Variants in RAB28 observed in about 807,000 individuals in gnomAD.
RAB28 encodes the protein ras-related protein Rab-28.
A neutral mutation model predicts 31.7 loss-of-function variants in RAB28; 24 were observed. The ratio of observed to expected loss-of-function variants is 0.76; its 90% CI spans 0.55 to 1.06. The LOEUF (loss-of-function observed/expected upper bound fraction) is 1.06, where lower values mean the gene tolerates loss of function less well. Ranked by LOEUF, RAB28 falls within the 50% of genes least tolerant of loss-of-function variation. The probability of loss-of-function intolerance (pLI) is 0.00; values close to 1 mark genes in which losing one functional copy is unlikely to be tolerated. For missense variants in RAB28, 254 were observed against 258.5 expected, an observed-to-expected ratio of 0.98 and a Z score of 0.12; for synonymous variants, 100 against 90.4, an observed-to-expected ratio of 1.11 and a Z score of -0.60.
At chr4:13,409,452 A>C (rs1712296526) in intron 4 of RAB28, among the ~76,000 whole-genome samples, 1 of 152,184 alleles carries the variant, frequency 6.6e-6, no homozygotes, top group East Asian at 1.9e-4. Flanking sequence ...GGCTCTCACC[A>C]ACTCTAATCC....
chr4:13,381,017 A>G (rs1301064942), intron 5 of RAB28, among the ~76,000 whole-genome samples: 1 of 152,062 alleles, frequency 6.6e-6, no homozygotes, highest in Non-Finnish European at 1.5e-5. Flanking sequence ...GAGTGTCACT[A>G]TTTGCCTTCA....
intron 1 of RAB28, among the ~76,000 whole-genome samples, chr4:13,482,219 A>G (rs1716636113): frequency 1.3e-5 from 2 of 152,220 alleles, no homozygotes; most frequent in East Asian, 3.8e-4. Context: ...AATTTTAAAC[A>G]GAGATAAAAA....
At chr4:13,388,691 A>G (rs1432489255) in intron 4 of RAB28, among the ~76,000 whole-genome samples, 1 of 152,076 alleles carries the variant, frequency 6.6e-6, no homozygotes, top group East Asian at 1.9e-4. Context: ...ACAATTTACA[A>G]ATAAGCAAAA....
intron 4 of RAB28, among the ~76,000 whole-genome samples, chr4:13,410,821 A>C (rs1195314956): frequency 6.6e-6 from 1 of 152,146 alleles, no homozygotes; most frequent in African/African-American, 2.4e-5. Context: ...AGTCTTTAGA[A>C]CTTAAAGGTC....
At chr4:13,434,394 T>C (rs1334082966) in intron 4 of RAB28, among the ~76,000 whole-genome samples, 1 of 152,180 alleles carries the variant, frequency 6.6e-6, no homozygotes, top group Non-Finnish European at 1.5e-5. Flanking sequence ...GCTAAATTCA[T>C]ATGCACCCAA....
Position 13,469,138 on chromosome 4 carries a change from T to C in RAB28, c.261+5180A>G, listed in dbSNP as rs1016102364. ...GTCAATCAACCCAGAACTCTTCTGA[T>C]CCCTTCCAGAAAACTACTGGAATCT... On this transcript the variant is annotated intron_variant, in intron 3 of 6. Coordinates refer to ENST00000330852, the MANE Select transcript of RAB28 (RefSeq NM_001017979.3). 2.0e-5 allele frequency among the ~76,000 whole-genome samples: 3 copies of C among 152,076 alleles called. No individual in the cohort carries two copies. In the South Asian group the frequency reaches 6.2e-4, roughly 31 times the overall value.
chr4:13,456,623 A>C (rs73819873), intron 4 of RAB28, among the ~76,000 whole-genome samples: 8,512 of 152,256 alleles, frequency 0.056, 545 homozygotes, highest in African/African-American at 0.16. Flanking sequence ...CCAAAGCTCT[A>C]TGACCTCATT....
intron 4 of RAB28, among the ~76,000 whole-genome samples, chr4:13,403,208 T>C (rs1381610742): frequency 6.6e-6 from 1 of 152,228 alleles, no homozygotes; most frequent in Non-Finnish European, 1.5e-5. Flanking sequence ...AAACTATTTA[T>C]GGACATTAAA....
At chr4:13,466,311 C>T (rs115535220) in intron 3 of RAB28, among the ~76,000 whole-genome samples, 88 of 151,876 alleles carry the variant, frequency 5.8e-4, no homozygotes, top group African/African-American at 1.5e-3. Flanking sequence ...AGTCATACAT[C>T]CAATAAGGGG....
At chr4:13,422,583 A>G (rs1208154891) in intron 4 of RAB28, among the ~76,000 whole-genome samples, 8 of 152,234 alleles carry the variant, frequency 5.3e-5, no homozygotes, top group Admixed American at 5.2e-4. Flanking sequence ...AAAAAGGATG[A>G]GTTCATGTCC....
intron 6 of RAB28, 52 bp from the exon 7 acceptor site, chr4:13,368,702 G>A (rs1362469038): frequency 2.0e-6 from 3 of 1,485,226 alleles, no homozygotes; most frequent in Non-Finnish European, 2.8e-6. Context: ...CATTTAGAAA[G>A]AGCTCCTTAA....
At chr4:13,438,384 T>C (rs1714244711) in intron 4 of RAB28, among the ~76,000 whole-genome samples, 1 of 152,154 alleles carries the variant, frequency 6.6e-6, no homozygotes, top group Admixed American at 6.5e-5. Flanking sequence ...AACATTTTCA[T>C]CACACCAAAA....
intron 5 of RAB28, among the ~76,000 whole-genome samples, chr4:13,378,457 G>A (rs1057499969): frequency 6.6e-6 from 1 of 152,046 alleles, no homozygotes; most frequent in Non-Finnish European, 1.5e-5. Flanking sequence ...GGCAAAAGAA[G>A]AACTAGAGAC....
intron 4 of RAB28, among the ~76,000 whole-genome samples, chr4:13,424,203 C>T (rs957848659): frequency 1.3e-5 from 2 of 152,176 alleles, no homozygotes; most frequent in African/African-American, 4.8e-5. Context: ...TAAGAAAGTA[C>T]TACAAACTGT....
chr4:13,460,521 T>C (rs1227821829), intron 4 of RAB28, among the ~76,000 whole-genome samples, 178 bp downstream of exon 4: 5 of 152,120 alleles, frequency 3.3e-5, no homozygotes, highest in African/African-American at 9.7e-5. Context: ...CTGCCAGATG[T>C]CATTCTTAAG....
At chr4:13,415,315 G>T (rs1316095087) in intron 4 of RAB28, among the ~76,000 whole-genome samples, 1 of 152,198 alleles carries the variant, frequency 6.6e-6, no homozygotes, top group Non-Finnish European at 1.5e-5. Context: ...ACTTGAGGAA[G>T]TGCCCGCCGC....
chr4:13,412,962 T>G (rs1293244967), intron 4 of RAB28, among the ~76,000 whole-genome samples: 2 of 151,494 alleles, frequency 1.3e-5, no homozygotes, highest in East Asian at 3.9e-4. Context: ...ATAAGGGACA[T>G]GAAAGACAAG....
chr4:13,444,437 T>C (rs149867116), intron 4 of RAB28, among the ~76,000 whole-genome samples: 3 of 152,276 alleles, frequency 2.0e-5, no homozygotes, highest in East Asian at 1.9e-4. Flanking sequence ...GATGGACACA[T>C]AGGCAGACTC....
intron 4 of RAB28, among the ~76,000 whole-genome samples, chr4:13,457,014 C>T (rs1050026893): frequency 2.0e-5 from 3 of 152,194 alleles, no homozygotes; most frequent in African/African-American, 4.8e-5. Context: ...CTCCCTCCTT[C>T]TACTAACTTT....
Sources: gnomAD v4.1 joint callset for allele counts (sites outside exome capture counted in the v4.1 genomes callset) on GRCh38, gnomAD v4.1.1 for gene constraint, MANE v1.5 for transcripts, NCBI Gene and HGNC (gene_info 2026-07-23, HGNC 2026-07-21) for gene names.